The following PLCB1 variants were observed in gnomAD, a reference collection of about 807,000 sequenced individuals.
PLCB1 encodes 1-phosphatidylinositol 4,5-bisphosphate phosphodiesterase beta-1.
Under a neutral mutation model 161.8 loss-of-function variants are expected in PLCB1, and 46 were observed. The observed-to-expected ratio is 0.28, with a 90% CI of 0.22 to 0.36. The LOEUF is 0.36. PLCB1 is among the 10% of genes least tolerant of loss of function. The pLI, the probability that PLCB1 is intolerant of heterozygous loss-of-function variation, is 1.00. For synonymous variants in PLCB1, 517 were observed against 503.7 expected (o/e 1.03, Z -0.35); for missense variants, 1,016 against 1,472.5 (o/e 0.69, Z 5.07).
intron 3 of PLCB1, among the ~76,000 whole-genome samples, chr20:8,501,069 C>A (rs991145205): frequency 3.3e-5 from 5 of 152,116 alleles, no homozygotes; most frequent in African/African-American, 9.7e-5. Flanking sequence ...GAGACTGATA[C>A]CAGGTCATCA....
chr20:8,327,516 C>G (rs1985204270), intron 2 of PLCB1, among the ~76,000 whole-genome samples: 1 of 152,202 alleles, frequency 6.6e-6, no homozygotes, highest in South Asian at 2.1e-4. Context: ...GTTCAACCAA[C>G]AGACTCAGAA....
intron 3 of PLCB1, among the ~76,000 whole-genome samples, chr20:8,503,226 G>A (rs1158536362): frequency 6.6e-6 from 1 of 152,176 alleles, no homozygotes; most frequent in Non-Finnish European, 1.5e-5. Context: ...AGTGCTTCCT[G>A]CAGCCTGTCT....
intron 3 of PLCB1, among the ~76,000 whole-genome samples, chr20:8,541,125 G>A (rs1358591153): frequency 6.6e-6 from 1 of 152,104 alleles, no homozygotes; most frequent in Non-Finnish European, 1.5e-5. Flanking sequence ...AGCATTTCTA[G>A]GTGAAGCATA....
intron 2 of PLCB1, among the ~76,000 whole-genome samples, chr20:8,194,333 G>T (rs577691494): frequency 4.6e-5 from 7 of 151,994 alleles, no homozygotes; most frequent in Non-Finnish European, 1.0e-4. Flanking sequence ...CATGAGATGT[G>T]ACTATTATCT....
chr20:8,219,942 A>T (rs1288809104), intron 2 of PLCB1, among the ~76,000 whole-genome samples: 1 of 152,164 alleles, frequency 6.6e-6, no homozygotes, highest in Non-Finnish European at 1.5e-5. Flanking sequence ...AACTATTGAC[A>T]GGTGGGGAGT....
intron 9 of PLCB1, among the ~76,000 whole-genome samples, chr20:8,665,429 G>C (rs1043045428): frequency 6.6e-6 from 1 of 152,190 alleles, no homozygotes; most frequent in Non-Finnish European, 1.5e-5. Context: ...GTGAGACTCA[G>C]AGCCTTGGGC....
chr20:8,546,981 G>A (rs773889493), intron 3 of PLCB1, among the ~76,000 whole-genome samples: 23 of 151,998 alleles, frequency 1.5e-4, no homozygotes, highest in East Asian at 7.7e-4. Flanking sequence ...TTATAATTGC[G>A]CCTCTTAATT....
At chr20:8,785,801 A>G (rs944199092) in intron 27 of PLCB1, among the ~76,000 whole-genome samples, 1 of 152,188 alleles carries the variant, frequency 6.6e-6, no homozygotes, top group African/African-American at 2.4e-5. Flanking sequence ...CGGAAGGGAA[A>G]CAGCACATGT....
intron 2 of PLCB1, among the ~76,000 whole-genome samples, chr20:8,298,177 C>T (rs976318676): frequency 6.6e-6 from 1 of 151,616 alleles, no homozygotes; most frequent in African/African-American, 2.4e-5. Context: ...CATGGGTGGT[C>T]CCATCTACTT....
chr20:8,776,605 C>G (rs1042587783), intron 27 of PLCB1, among the ~76,000 whole-genome samples: 2 of 152,166 alleles, frequency 1.3e-5, no homozygotes, highest in Admixed American at 6.5e-5. Context: ...ACAACCACCA[C>G]TAGAATCAAT....
At chr20:8,237,575 T>G (rs1164432198) in intron 2 of PLCB1, among the ~76,000 whole-genome samples, 1 of 152,122 alleles carries the variant, frequency 6.6e-6, no homozygotes. Flanking sequence ...TTTCATTGTA[T>G]TTTACAATGG....
intron 9 of PLCB1, among the ~76,000 whole-genome samples, chr20:8,661,626 G>A (rs576587415): frequency 8.1e-4 from 123 of 151,988 alleles, no homozygotes; most frequent in African/African-American, 2.7e-3. Context: ...ACACAAAAAC[G>A]GACTCATGAT....
chr20:8,606,199 T>TA (rs1273256465), intron 3 of PLCB1, among the ~76,000 whole-genome samples: 1 of 152,202 alleles, frequency 6.6e-6, no homozygotes, highest in African/African-American at 2.4e-5. Context: ...TGTTTACATT[T>TA]AACGCTTTAT....
At chr20:8,330,537 T>C (rs895350603) in intron 2 of PLCB1, among the ~76,000 whole-genome samples, 1 of 152,172 alleles carries the variant, frequency 6.6e-6, no homozygotes, top group Admixed American at 6.5e-5. Flanking sequence ...AGACGAGTGT[T>C]CATTTTTCAC....
chr20:8,267,577 A>T (rs533817353), intron 2 of PLCB1, among the ~76,000 whole-genome samples: 2 of 151,886 alleles, frequency 1.3e-5, no homozygotes, highest in African/African-American at 4.8e-5. Context: ...CCTGTCTCAG[A>T]CTCTGGTTTT....
intron 3 of PLCB1, among the ~76,000 whole-genome samples, chr20:8,402,052 T>G (rs1422093306): frequency 1.3e-5 from 2 of 152,240 alleles, no homozygotes; most frequent in East Asian, 1.9e-4. Context: ...CATTTTCCCC[T>G]GAGATCATTG....
chr20:8,238,867 G>A (rs548478028), intron 2 of PLCB1, among the ~76,000 whole-genome samples: 3 of 150,358 alleles, frequency 2.0e-5, no homozygotes, highest in South Asian at 2.2e-4. Flanking sequence ...ATGGGTGGCT[G>A]GGGGGAAGAC....
At chr20:8,401,262 T>C (rs905816489) in intron 3 of PLCB1, among the ~76,000 whole-genome samples, 12 of 152,226 alleles carry the variant, frequency 7.9e-5, no homozygotes, top group African/African-American at 2.9e-4. Context: ...AGAGCTATCA[T>C]ATACTGGAAA....
At chr20:8,451,411 G>A (rs548824528) in intron 3 of PLCB1, among the ~76,000 whole-genome samples, 15 of 152,152 alleles carry the variant, frequency 9.9e-5, no homozygotes, top group African/African-American at 3.1e-4. Flanking sequence ...GCAGTGGCAC[G>A]ATCTTGGCTC....
Sources: gnomAD v4.1 joint callset for allele counts (sites outside exome capture counted in the v4.1 genomes callset) on GRCh38, gnomAD v4.1.1 for gene constraint, MANE v1.5 for transcripts, NCBI Gene and HGNC (gene_info 2026-07-23, HGNC 2026-07-21) for gene names.